NBAS: variants seen among roughly 807,000 people sequenced by gnomAD.
The protein encoded by NBAS is NAG/BC035112 fusion.
NBAS carries 219 observed loss-of-function variants against 302.5 expected under a neutral mutation model. The ratio of observed to expected loss-of-function variants is 0.72; its 90% CI spans 0.65 to 0.81. NBAS has a LOEUF of 0.81. Among genes scored for constraint, NBAS ranks in the 30% least tolerant of loss-of-function variants. NBAS has a pLI of 0.00. For missense variants in NBAS, 2,932 were observed against 2,841.6 expected (o/e 1.03, Z -0.72); for synonymous variants, 1,118 against 1,021.6 (o/e 1.09, Z -1.80).
chr2:15,338,394 AT>A (rs1304059514), intron 35 of NBAS, among the ~76,000 whole-genome samples: 3 of 152,270 alleles, frequency 2.0e-5, no homozygotes, highest in East Asian at 1.9e-4. Flanking sequence ...AGCAAATTTC[AT>A]CTGAACTCAA....
chr2:15,086,322 G>A, the NBAS span, among the ~76,000 whole-genome samples: 148 of 152,274 alleles, frequency 9.7e-4, no homozygotes, highest in African/African-American at 3.3e-3. Flanking sequence ...TACCCTGGCT[G>A]TGGGAAGGAG....
At chr2:15,533,673 GGT>G (rs1220581737) in intron 9 of NBAS, among the ~76,000 whole-genome samples, 2 of 130,678 alleles carry the variant, frequency 1.5e-5, no homozygotes, top group African/African-American at 6.3e-5. Flanking sequence ...GACTTCGGGG[GGT>G]GTGCGTGTGT....
chr2:14,877,505 A>T, the NBAS span, among the ~76,000 whole-genome samples: 1 of 152,208 alleles, frequency 6.6e-6, no homozygotes, highest in Admixed American at 6.5e-5. Context: ...GGTATATTCT[A>T]AGACAGGAAT....
At chr2:15,381,273 C>CAAA in intron 29 of NBAS, among the ~76,000 whole-genome samples, 1 of 151,196 alleles carries the variant, frequency 6.6e-6, no homozygotes, top group South Asian at 2.1e-4. Context: ...TGCCACTGAA[C>CAAA]TTATTTTCCA....
intron 6 of NBAS, among the ~76,000 whole-genome samples, chr2:15,546,311 T>C (rs550799024): frequency 6.6e-6 from 1 of 152,314 alleles, no homozygotes; most frequent in Non-Finnish European, 1.5e-5. Flanking sequence ...CTACGAAGAA[T>C]GTGTATTATG....
the NBAS span, among the ~76,000 whole-genome samples, chr2:14,875,902 G>A: frequency 6.6e-6 from 1 of 152,218 alleles, no homozygotes; most frequent in Non-Finnish European, 1.5e-5. Flanking sequence ...TGCGTATCAT[G>A]AGATTGTGTT....
intron 7 of NBAS, chr2:15,538,377 GAA>G (rs5829509): frequency 1.3e-5 from 6 of 447,366 alleles, no homozygotes; most frequent in Non-Finnish European, 2.3e-5. Context: ...CATTATTTCT[GAA>G]AAAAAAATCA....
At chr2:15,146,675 G>A in the NBAS span, among the ~76,000 whole-genome samples, 1 of 152,076 alleles carries the variant, frequency 6.6e-6, no homozygotes, top group African/African-American at 2.4e-5. Context: ...TCTGGGACAG[G>A]GAGCAATAGG....
At chr2:15,090,268 C>G in the NBAS span, among the ~76,000 whole-genome samples, 163 of 152,182 alleles carry the variant, frequency 1.1e-3, no homozygotes, top group Non-Finnish European at 1.0e-3. Context: ...GCCCACTCAC[C>G]TAGAGACAAG....
chr2:15,485,170 T>A (rs1032432852), intron 12 of NBAS, among the ~76,000 whole-genome samples: 1 of 152,084 alleles, frequency 6.6e-6, no homozygotes, highest in African/African-American at 2.4e-5. Context: ...ACACACTAAC[T>A]AGCTCAAGAG....
At chr2:15,057,681 G>C in the NBAS span, among the ~76,000 whole-genome samples, 1 of 152,302 alleles carries the variant, frequency 6.6e-6, no homozygotes, top group South Asian at 2.1e-4. Flanking sequence ...ACAATGTTTG[G>C]TTTTCCATTC....
At chr2:15,113,046 G>C in the NBAS span, among the ~76,000 whole-genome samples, 1 of 151,948 alleles carries the variant, frequency 6.6e-6, no homozygotes, top group Non-Finnish European at 1.5e-5. Flanking sequence ...AGAATGAGAA[G>C]AGCATATGCA....
chr2:14,896,610 T>G, the NBAS span, among the ~76,000 whole-genome samples: 2 of 152,040 alleles, frequency 1.3e-5, no homozygotes, highest in African/African-American at 4.8e-5. Flanking sequence ...GATTTTGTGT[T>G]GTAATCATAG....
the NBAS span, among the ~76,000 whole-genome samples, chr2:15,097,056 A>C: frequency 2.0e-5 from 3 of 152,196 alleles, no homozygotes; most frequent in African/African-American, 7.2e-5. Flanking sequence ...CAAGCTGAGC[A>C]AAGTTGAATC....
the NBAS span, among the ~76,000 whole-genome samples, chr2:14,876,113 T>C: frequency 2.0e-5 from 3 of 152,222 alleles, no homozygotes; most frequent in Non-Finnish European, 2.9e-5. Flanking sequence ...GATTGCGCTG[T>C]TTTTTAAAAA....
At chr2:14,937,815 C>G in the NBAS span, among the ~76,000 whole-genome samples, 2 of 152,138 alleles carry the variant, frequency 1.3e-5, no homozygotes, top group East Asian at 1.9e-4. Context: ...ACCTCATTTG[C>G]CTTACAGTGT....
At chr2:15,419,291 T>G (rs1407532718) in intron 23 of NBAS, among the ~76,000 whole-genome samples, 2 of 152,192 alleles carry the variant, frequency 1.3e-5, no homozygotes, top group African/African-American at 4.8e-5. Flanking sequence ...TCTAGAATGA[T>G]TTCTCATCTA....
At chr2:15,270,210 C>T (rs1669252089) in intron 44 of NBAS, among the ~76,000 whole-genome samples, 2 of 152,084 alleles carry the variant, frequency 1.3e-5, no homozygotes, top group South Asian at 4.2e-4. Flanking sequence ...TAGACAGAGT[C>T]TCTCTCTGTC....
the NBAS span, among the ~76,000 whole-genome samples, chr2:14,783,941 T>C: frequency 6.6e-6 from 1 of 151,754 alleles, no homozygotes; most frequent in Admixed American, 6.6e-5. Context: ...CCACCAACAG[T>C]GTAAAAGTGT....
Sources: allele counts gnomAD v4.1 joint callset (sites outside exome capture counted in the v4.1 genomes callset), GRCh38; gene constraint gnomAD v4.1.1; transcripts MANE v1.5; gene names NCBI Gene and HGNC (gene_info 2026-07-23, HGNC 2026-07-21).